The following SDK1 variants were observed in gnomAD, a reference collection of about 807,000 sequenced individuals.
The protein encoded by SDK1 is sidekick cell adhesion molecule 1, also known as protein sidekick-1.
Under a neutral mutation model 245.5 loss-of-function variants are expected in SDK1, and 157 were observed. The observed-to-expected ratio is 0.64, with a 90% CI of 0.56 to 0.73. SDK1 has a LOEUF of 0.73. SDK1 is among the 30% of genes least tolerant of loss of function. SDK1 has a pLI of 0.00. For missense variants in SDK1, 3,583 were observed against 3,002.3 expected (o/e 1.19, Z -4.52); for synonymous variants, 1,647 against 1,278.5 (o/e 1.29, Z -6.15).
At chr7:4,218,772 T>C (rs561550094) in intron 38 of SDK1, among the ~76,000 whole-genome samples, 30 of 152,288 alleles carry the variant, frequency 2.0e-4, no homozygotes, top group Admixed American at 1.8e-3. Flanking sequence ...GAAAATGAGC[T>C]CTGCCAATCG....
At chr7:3,756,885 C>T (rs1025718696) in intron 4 of SDK1, among the ~76,000 whole-genome samples, 2 of 152,172 alleles carry the variant, frequency 1.3e-5, no homozygotes, top group Non-Finnish European at 2.9e-5. Context: ...GGGCACCGGT[C>T]ATCACCATGA....
chr7:3,469,297 A>G (rs1781110433), intron 1 of SDK1, among the ~76,000 whole-genome samples: 1 of 152,112 alleles, frequency 6.6e-6, no homozygotes, highest in African/African-American at 2.4e-5. Flanking sequence ...CAGGGGTGGT[A>G]GCACACACTT....
chr7:3,752,572 A>T (rs1490573283), intron 4 of SDK1, among the ~76,000 whole-genome samples: 1 of 152,202 alleles, frequency 6.6e-6, no homozygotes, highest in Admixed American at 6.5e-5. Context: ...TTTAAAGACA[A>T]CATTTATAGA....
chr7:3,358,984 T>C lies in SDK1; in HGVS notation c.298+57100T>C, dbSNP rs1246935703. Among the ~76,000 whole-genome samples the C allele has an allele frequency of 2.0e-5, 3 of 152,320 alleles. 1 individual carries two copies. The highest frequency in any genetic ancestry group is 7.2e-5 in the African/African-American group (3 of 41,570). On this transcript the variant is annotated intron_variant, in intron 1 of 44. Transcript: ENST00000404826. Reference sequence around the variant, plus strand: ...ATATCTTAATCACAGCCCTGGTTTTTAGTCTGTTTTTCTAAGAACTCCGGG... The same window carrying C: ...ATATCTTAATCACAGCCCTGGTTTTCAGTCTGTTTTTCTAAGAACTCCGGG...
intron 4 of SDK1, among the ~76,000 whole-genome samples, chr7:3,714,117 A>C (rs1200635739): frequency 6.6e-6 from 1 of 152,168 alleles, no homozygotes; most frequent in East Asian, 1.9e-4. Flanking sequence ...TGGAGCCAGG[A>C]ATTCAAAACA....
At chr7:4,179,740 G>T (rs1034401403) in intron 35 of SDK1, among the ~76,000 whole-genome samples, 1 of 151,996 alleles carries the variant, frequency 6.6e-6, no homozygotes, top group Non-Finnish European at 1.5e-5. Flanking sequence ...TGCTGTCAGA[G>T]AGGGGTGCCA....
chr7:3,341,731 CAT>C (rs1392641075), intron 1 of SDK1, among the ~76,000 whole-genome samples: 5 of 152,196 alleles, frequency 3.3e-5, no homozygotes, highest in Non-Finnish European at 5.9e-5. Flanking sequence ...CAAACTTCAA[CAT>C]GTGTAGGATA....
At chr7:3,315,530 G>T (rs985382723) in intron 1 of SDK1, among the ~76,000 whole-genome samples, 3 of 152,084 alleles carry the variant, frequency 2.0e-5, no homozygotes, top group Admixed American at 2.0e-4. Flanking sequence ...GTAGAAAAGG[G>T]TGTGGAAGTC....
At chr7:3,363,409 A>G (rs182304796) in intron 1 of SDK1, among the ~76,000 whole-genome samples, 213 of 152,262 alleles carry the variant, frequency 1.4e-3, no homozygotes, top group Non-Finnish European at 2.6e-3. Context: ...GGTGGTTACA[A>G]ATAAAGTCGC....
intron 40 of SDK1, chr7:4,227,322 C>A (rs974196964): frequency 8.6e-6 from 4 of 466,426 alleles, no homozygotes; most frequent in African/African-American, 6.0e-5. Context: ...GTCAGCCCGG[C>A]TTCCCACCCC....
intron 1 of SDK1, among the ~76,000 whole-genome samples, chr7:3,393,434 C>G (rs1448308102): frequency 6.6e-6 from 1 of 152,140 alleles, no homozygotes; most frequent in Non-Finnish European, 1.5e-5. Flanking sequence ...TTTTTACATT[C>G]TTGCCAACAT....
intron 4 of SDK1, among the ~76,000 whole-genome samples, chr7:3,785,731 A>C (rs1219838624): frequency 6.6e-6 from 1 of 152,200 alleles, no homozygotes; most frequent in East Asian, 1.9e-4. Context: ...GCTCATGATT[A>C]TAAGACTTCT....
intron 9 of SDK1, among the ~76,000 whole-genome samples, chr7:3,967,074 C>G (rs945046103): frequency 1.3e-5 from 2 of 152,232 alleles, no homozygotes; most frequent in African/African-American, 4.8e-5. Flanking sequence ...GGCCCCTGCA[C>G]GTTTCCACTT....
At chr7:3,862,892 G>T (rs954348135) in intron 5 of SDK1, among the ~76,000 whole-genome samples, 4 of 152,170 alleles carry the variant, frequency 2.6e-5, no homozygotes, top group African/African-American at 9.7e-5. Context: ...CAACCCATAT[G>T]GATCCCTGGC....
intron 1 of SDK1, among the ~76,000 whole-genome samples, chr7:3,352,468 T>G (rs1421599798): frequency 6.6e-6 from 1 of 152,176 alleles, no homozygotes; most frequent in Non-Finnish European, 1.5e-5. Flanking sequence ...ACACGAGATT[T>G]ACATCCAGAG....
At chr7:3,604,147 T>G (rs987198291) in intron 1 of SDK1, among the ~76,000 whole-genome samples, 2 of 152,188 alleles carry the variant, frequency 1.3e-5, no homozygotes, top group African/African-American at 4.8e-5. Context: ...AAATTCTCTT[T>G]TTTGGTTGTG....
intron 20 of SDK1, 106 bp from the exon 21 acceptor site, chr7:4,076,892 A>T: frequency 1.0e-6 from 1 of 986,404 alleles, no homozygotes; most frequent in Non-Finnish European, 1.5e-6. Flanking sequence ...CAGCACATCC[A>T]GCCAAGCTCT....
chr7:4,182,005 C>T (rs898772612), intron 35 of SDK1, among the ~76,000 whole-genome samples: 2 of 152,266 alleles, frequency 1.3e-5, no homozygotes, highest in South Asian at 2.1e-4. Flanking sequence ...CTGCAATCTC[C>T]ATCTCCCAGG....
chr7:3,543,531 C>G (rs1481533733), intron 1 of SDK1, among the ~76,000 whole-genome samples: 1 of 152,180 alleles, frequency 6.6e-6, no homozygotes. Flanking sequence ...GCCACCTCTA[C>G]TCGTAGGGAA....
Sources: allele counts gnomAD v4.1 joint callset (sites outside exome capture counted in the v4.1 genomes callset), GRCh38; gene constraint gnomAD v4.1.1; transcripts MANE v1.5; gene names NCBI Gene and HGNC (gene_info 2026-07-23, HGNC 2026-07-21).